SIGLEC8: variants seen among roughly 807,000 people sequenced by gnomAD.
The protein encoded by SIGLEC8 is sialic acid binding Ig like lectin 8, also known as sialic acid-binding Ig-like lectin 8.
In SIGLEC8, 32 loss-of-function variants were observed where a neutral mutation model predicts 42.1. The observed-to-expected ratio is 0.76, with a 90% CI of 0.57 to 1.02. The LOEUF is 1.02. Among genes scored for constraint, SIGLEC8 ranks in the 50% least tolerant of loss-of-function variants. The pLI is 0.00. For missense variants in SIGLEC8, 611 were observed against 610.2 expected (o/e 1.00, Z -0.01); for synonymous variants, 262 against 260.3 (o/e 1.01, Z -0.06).
At position 51,457,544 on chromosome 19, in the gene SIGLEC8, T is replaced by G. The variant is rs1599930526; in HGVS notation, c.650A>C (p.Asp217Ala). Residue 217 changes from aspartate to alanine, a missense_variant, in exon 2 of 7, where the codon GAC becomes GCC. Physicochemically the swap from Asp to Ala is moderately radical, Grantham distance 126 (BLOSUM62 -2). Transcript: ENST00000321424. The stretch of plus-strand genomic sequence containing the variant: ...CTGACAGGTGAGGCTGGTGCCGTGG[T>G]CCTGGGGCTTTGGGGTAAGGGTGAG... ...SVLTLTPKPQDHGTSLTCQVT... is the reference protein window; with the variant it reads ...SVLTLTPKPQAHGTSLTCQVT... The G allele has an allele frequency of 6.2e-7, 1 of 1,613,976 alleles. No homozygotes were observed.
In SIGLEC8 at chr19:51,454,552, C is replaced by T. The variant is rs895772251; in HGVS notation, c.1148+132G>A. ...ACAAGGACGCTCGTGAAATGCTCAC[C>T]GTGCACCCGTGAGCTCATTCTTGCC... On this transcript the variant is annotated intron_variant, in intron 5 of 6. Coordinates refer to ENST00000321424, the MANE Select transcript of SIGLEC8 (RefSeq NM_014442.3). The surrounding 1 kb of genome is among the most constrained non-coding windows in gnomAD (Gnocchi z 4.7). 1.4e-5 allele frequency: 14 copies of T among 1,002,706 alleles called. No homozygotes were observed. Among genetic ancestry groups the T allele is most frequent in the East Asian group, 2.4e-5 (1 of 41,156 alleles). The allele number at this position is 1,002,706 out of a possible 1,614,324, so 62.1% of individuals were successfully genotyped here.
chr19:51,457,439 GGCATCTTGGTCCA>G lies in SIGLEC8; in HGVS notation c.733+9_733+21del. On this transcript the variant is annotated intron_variant, in intron 2 of 6. Coordinates refer to ENST00000321424, the MANE Select transcript of SIGLEC8 (RefSeq NM_014442.3). ...CACCTCCCAACCCATGAGGGACCTG[GGCATCTTGGTCCA>G]GCACTCACAGGACACATCGAGGCGG... 1 of 1,613,024 alleles carries G rather than the reference GGCATCTTGGTCCA, an allele frequency of 6.2e-7. No homozygotes were observed. The highest frequency in any genetic ancestry group is 8.5e-7 in the Non-Finnish European group (1 of 1,179,718).
chr19:51,452,102 G>T lies in SIGLEC8; in HGVS notation c.*277C>A. On this transcript the variant is annotated 3_prime_UTR_variant, in exon 7 of 7. Transcript: ENST00000321424. ...CAGTGCTTGATTCTGTCATTTGAGA[G>T]AACATGGATGAACCTAGGGGATATT... The T allele has an allele frequency of 3.2e-6, 1 of 309,592 alleles. No individual in the cohort carries two copies. 19.2% of individuals were successfully genotyped at this position (309,592 alleles called of 1,614,324 possible).
Position 51,458,085 on chromosome 19 carries a change from G to T in SIGLEC8, c.303C>A (p.Asp101Glu), listed in dbSNP as rs999599851. 11 of 1,614,140 alleles carry T rather than the reference G, an allele frequency of 6.8e-6. 1 individual carries two copies. Among genetic ancestry groups the T allele is most frequent in the African/African-American group, 6.7e-5 (5 of 75,022 alleles). The stretch of plus-strand genomic sequence containing the variant: ...TCAGGGAGCAGTCGTTGCTCCAAAT[G>T]TCCCCAAGGAGTTGGAATCGGCCCT... ...ETQGRFQLLG[D>E]IWSNDCSLSI... Residue 101 changes from aspartate (D) to glutamate (E), a missense_variant, in exon 1 of 7, where the codon GAC becomes GAA. Coordinates refer to ENST00000321424, the MANE Select transcript of SIGLEC8 (RefSeq NM_014442.3).
chr19:51,456,963 G>A (rs1245905346), intron 3 of SIGLEC8, among the ~76,000 whole-genome samples: 2 of 152,306 alleles, frequency 1.3e-5, no homozygotes, highest in African/African-American at 2.4e-5. Flanking sequence ...TTGCTGTGGG[G>A]CCAAGGAAGG....
Position 51,455,659 on chromosome 19 carries a change from A to T in SIGLEC8, c.810T>A (p.Ser270=). The change falls in exon 4 of 7, where the codon TCT becomes TCA. Residue 270 remains serine, a synonymous_variant. Coordinates refer to ENST00000321424, the MANE Select transcript of SIGLEC8 (RefSeq NM_014442.3). ...GAGACTGGCCCTCAAGGACTGAAAG[A>T]GATGAGCCATTTCCCAGGGCTGTGG... ...TASTALGNGS[S]LSVLEGQSLR... The T allele has an allele frequency of 1.2e-6, 2 of 1,613,656 alleles. No individual in the cohort carries two copies. Among genetic ancestry groups the T allele is most frequent in the Non-Finnish European group, 1.7e-6 (2 of 1,179,782 alleles).
chr19:51,452,551 C>T lies in SIGLEC8; in HGVS notation c.1328G>A (p.Gly443Glu). Reference protein sequence around the residue: ...PAVAPSSGEEGELHYATLSFH... With the variant: ...PAVAPSSGEEEELHYATLSFH... ...GCTGAGGGTTGCATAATGGAGCTCTCCTTCCTCCCCTGACGAGGGGGCAAC... is the reference window on the plus strand; with the variant it reads ...GCTGAGGGTTGCATAATGGAGCTCTTCTTCCTCCCCTGACGAGGGGGCAAC... Residue 443 changes from glycine to glutamate, a missense_variant, in exon 7 of 7, where the codon GGA becomes GAA. Transcript: ENST00000321424. 1 of 1,590,924 alleles carries T rather than the reference C, an allele frequency of 6.3e-7. No homozygotes were observed.
Position 51,454,728 on chromosome 19 carries a change from T to C in SIGLEC8, c.1104A>G (p.Gly368=). The C allele has an allele frequency of 6.2e-7, 1 of 1,613,876 alleles. No individual in the cohort carries two copies. Among genetic ancestry groups the C allele is most frequent in the Non-Finnish European group, 8.5e-7 (1 of 1,179,990 alleles). Reference sequence around the variant, plus strand: ...AGGACAGGAAGGCCAGGGCTGTGGCTCCAGCTCCCCCGACTGCTGCCAGTG... The same window carrying C: ...AGGACAGGAAGGCCAGGGCTGTGGCCCCAGCTCCCCCGACTGCTGCCAGTG... ...QVTLAAVGGA[G]ATALAFLSFC... The change falls in exon 5 of 7, where the codon GGA becomes GGG. Residue 368 remains glycine (G), a synonymous_variant. Coordinates refer to ENST00000321424, the MANE Select transcript of SIGLEC8 (RefSeq NM_014442.3). This position sits in a 1 kb window ranked among gnomAD's most constrained non-coding sequence, Gnocchi z 4.7.
Position 51,452,539 on chromosome 19 carries a change from T to A in SIGLEC8, c.1340A>T (p.Tyr447Phe). 2 of 1,596,180 alleles carry A rather than the reference T, an allele frequency of 1.3e-6. No individual in the cohort carries two copies. The highest frequency in any genetic ancestry group is 1.7e-6 in the Non-Finnish European group (2 of 1,165,176). The change falls in exon 7 of 7, where the codon TAT becomes TTT. Residue 447 changes from tyrosine to phenylalanine, a missense_variant. By Grantham distance (22) the Tyr-to-Phe change is conservative (BLOSUM62 3). Coordinates refer to ENST00000321424, the MANE Select transcript of SIGLEC8 (RefSeq NM_014442.3). ...PSSGEEGELH[Y>F]ATLSFHKVKP... ...CACTTTATGGAAGCTGAGGGTTGCA[T>A]AATGGAGCTCTCCTTCCTCCCCTGA...
chr19:51,453,558 G>T (rs2122141424), intron 6 of SIGLEC8: 3 of 377,850 alleles, frequency 7.9e-6, no homozygotes, highest in Middle Eastern at 1.4e-3. Context: ...AGCCTGGCTT[G>T]GTGGCGCGTG....
At position 51,454,340 on chromosome 19, in the gene SIGLEC8, T is replaced by C. The variant is rs998783845; in HGVS notation, c.1149-25A>G. 12 of 1,612,470 alleles carry C rather than the reference T, an allele frequency of 7.4e-6. No individual in the cohort carries two copies. The highest frequency in any genetic ancestry group is 1.0e-5 in the Non-Finnish European group (12 of 1,179,944). On this transcript the variant is annotated intron_variant, in intron 5 of 6. Coordinates refer to ENST00000321424, the MANE Select transcript of SIGLEC8 (RefSeq NM_014442.3). This position sits in a 1 kb window ranked among gnomAD's most constrained non-coding sequence, Gnocchi z 4.7. The stretch of plus-strand genomic sequence containing the variant: ...TCTGAGTGAAGAGACCAGAGAGCCT[T>C]TCAGTGTGGTCAGATCGGGGTGCAG...
chr19:51,457,195 C>T lies in SIGLEC8; in HGVS notation c.770G>A (p.Gly257Glu). Residue 257 changes from glycine (G) to glutamate (E), a missense_variant, in exon 3 of 7, where the codon GGA becomes GAA. Gly to Glu is a moderately conservative substitution (Grantham distance 98). Transcript: ENST00000321424. Reference sequence around the variant, plus strand: ...GGGCTCTGTCCTACCTGTGGCATCTCCTTGGAAGACAGTCATGGTCAAGTT... The same window carrying T: ...GGGCTCTGTCCTACCTGTGGCATCTTCTTGGAAGACAGTCATGGTCAAGTT... ...PWNLTMTVFQ[G>E]DATASTALGN... 6.2e-7 allele frequency: 1 copy of T among 1,613,922 alleles called. No individual in the cohort carries two copies. The highest frequency in any genetic ancestry group is 2.2e-5 in the East Asian group (1 of 44,880).
chr19:51,452,733 T>A (rs1020573153), intron 6 of SIGLEC8, 100 bp from the exon 7 acceptor site: 10 of 1,120,590 alleles, frequency 8.9e-6, no homozygotes, highest in African/African-American at 1.6e-5. Context: ...CCTCCATTCA[T>A]CCCACCTGCA....
intron 1 of SIGLEC8, 76 bp downstream of exon 1, chr19:51,457,858 C>T (rs1047956969): frequency 2.6e-6 from 4 of 1,564,338 alleles, no homozygotes; most frequent in Non-Finnish European, 3.5e-6. Context: ...CAACCCCCTC[C>T]CAGGCCCCAT....
At position 51,454,962 on chromosome 19, in the gene SIGLEC8, G is replaced by A. The variant is rs1331167380; in HGVS notation, c.1052-182C>T. Among the ~76,000 whole-genome samples the A allele has an allele frequency of 1.3e-5, 2 of 152,222 alleles. No individual in the cohort carries two copies. Among genetic ancestry groups the A allele is most frequent in the Non-Finnish European group, 2.9e-5 (2 of 68,036 alleles). On this transcript the variant is annotated intron_variant, in intron 4 of 6. Coordinates refer to ENST00000321424, the MANE Select transcript of SIGLEC8 (RefSeq NM_014442.3). This position sits in a 1 kb window ranked among gnomAD's most constrained non-coding sequence, Gnocchi z 4.7. Reference sequence around the variant, plus strand: ...CCAGTGAGGCATGAGAGTGCTGGATGCAGCTTGTCTTGCCTTTATTTACAA... The same window carrying A: ...CCAGTGAGGCATGAGAGTGCTGGATACAGCTTGTCTTGCCTTTATTTACAA...
At chr19:51,456,497 C>A (rs1421767631) in intron 3 of SIGLEC8, among the ~76,000 whole-genome samples, 1 of 152,192 alleles carries the variant, frequency 6.6e-6, no homozygotes, top group African/African-American at 2.4e-5. Context: ...GAAGTAGATA[C>A]AAGACTATCC....
rs1048878473 is a variant in SIGLEC8 at position 51,453,739 on chromosome 19, T to C, written c.1245+480A>G. ...GAAATGAGTATCTACATGTAAATTA[T>C]GATACAACGGGCAAAACGAGAGTAA... On this transcript the variant is annotated intron_variant, in intron 6 of 6. Transcript: ENST00000321424. The C allele has an allele frequency of 3.1e-6, 3 of 982,034 alleles. No individual in the cohort carries two copies. In the African/African-American group the frequency reaches 5.3e-5, roughly 17 times the overall value. 60.8% of individuals were successfully genotyped at this position (982,034 alleles called of 1,614,324 possible).
chr19:51,453,163 A>G (rs1989409446), intron 6 of SIGLEC8, among the ~76,000 whole-genome samples: 1 of 151,488 alleles, frequency 6.6e-6, no homozygotes, highest in Non-Finnish European at 1.5e-5. Context: ...ATCCCAGCTC[A>G]CTGCACCCTC....
At position 51,457,976 on chromosome 19, in the gene SIGLEC8, GT is replaced by G. The variant is rs1568516053; in HGVS notation, c.411del (p.Gln138SerfsTer2). On this transcript the variant is annotated frameshift_variant, in exon 1 of 7. Coordinates refer to ENST00000321424, the MANE Select transcript of SIGLEC8 (RefSeq NM_014442.3). LOFTEE classifies it high-confidence loss of function. ...AGCTGCTTAGTTTTGTAATTCAACT[GT>G]GATTTGTAACTCCATTTCATGCTTC... is the stretch of plus-strand genomic sequence containing the variant. ...ERGSMKWSYKSQLNYKTKQLS... is the reference protein window; with the variant it reads ...ERGSMKWSYKXQLNYKTKQLS... 6.2e-7 allele frequency: 1 copy of G among 1,614,160 alleles called. No individual in the cohort carries two copies. Among genetic ancestry groups the G allele is most frequent in the South Asian group, 1.1e-5 (1 of 91,088 alleles).
Sources: allele counts gnomAD v4.1 joint callset (sites outside exome capture counted in the v4.1 genomes callset), GRCh38; gene constraint gnomAD v4.1.1; non-coding constraint Gnocchi (gnomAD v3.1); transcripts MANE v1.5; gene names NCBI Gene and HGNC (gene_info 2026-07-23, HGNC 2026-07-21).